Variants in DIAPH3 observed in about 807,000 individuals in gnomAD.
DIAPH3 encodes the protein protein diaphanous homolog 3.
A neutral mutation model predicts 144.3 loss-of-function variants in DIAPH3; 117 were observed. The observed-to-expected ratio is 0.81, with a 90% confidence interval of 0.70 to 0.95. DIAPH3 has a LOEUF of 0.95. DIAPH3 is among the 40% of genes least tolerant of loss of function. The probability of loss-of-function intolerance (pLI) is 0.00; values close to 1 mark genes in which losing one functional copy is unlikely to be tolerated. For missense variants in DIAPH3, 1,421 were observed against 1,412.7 expected (o/e 1.01, Z -0.09); for synonymous variants, 519 against 488.9 (o/e 1.06, Z -0.81).
chr13:59,707,106 A>G (rs948895995), intron 27 of DIAPH3, among the ~76,000 whole-genome samples: 2 of 152,208 alleles, frequency 1.3e-5, no homozygotes, highest in African/African-American at 2.4e-5. Flanking sequence ...AGTCATATTC[A>G]TTACACGAAA....
intron 1 of DIAPH3, among the ~76,000 whole-genome samples, chr13:60,153,856 T>A (rs1377780171): frequency 6.6e-6 from 1 of 152,144 alleles, no homozygotes; most frequent in Non-Finnish European, 1.5e-5. Flanking sequence ...ACAAGAATTT[T>A]TTTTCCTAAG....
intron 1 of DIAPH3, among the ~76,000 whole-genome samples, chr13:60,143,719 G>C (rs1242127107): frequency 1.3e-5 from 2 of 152,172 alleles, no homozygotes; most frequent in African/African-American, 4.8e-5. Context: ...CAGCAGCTCT[G>C]TTTTGCTGGG....
At chr13:59,826,719 G>T (rs755937388) in intron 24 of DIAPH3, among the ~76,000 whole-genome samples, 4 of 151,482 alleles carry the variant, frequency 2.6e-5, no homozygotes, top group Non-Finnish European at 5.9e-5. Flanking sequence ...AGCCCGCATC[G>T]CCAAGTCAAT....
chr13:59,685,730 T>C (rs2033181766), intron 27 of DIAPH3, among the ~76,000 whole-genome samples: 1 of 152,006 alleles, frequency 6.6e-6, no homozygotes, highest in East Asian at 1.9e-4. Context: ...GATGGAAAAG[T>C]GGTATCACTG....
chr13:60,048,382 T>C (rs1466475696), intron 4 of DIAPH3, among the ~76,000 whole-genome samples: 1 of 152,154 alleles, frequency 6.6e-6, no homozygotes, highest in African/African-American at 2.4e-5. Flanking sequence ...ATAAGACAAA[T>C]TAATAAACAG....
chr13:59,826,178 C>G (rs936785991), intron 24 of DIAPH3, among the ~76,000 whole-genome samples: 1 of 150,764 alleles, frequency 6.6e-6, no homozygotes, highest in Non-Finnish European at 1.5e-5. Flanking sequence ...AAGTTCTGGC[C>G]AGGGCAATTA....
intron 22 of DIAPH3, among the ~76,000 whole-genome samples, chr13:59,851,227 T>G (rs2042949633): frequency 6.6e-6 from 1 of 152,184 alleles, no homozygotes; most frequent in South Asian, 2.1e-4. Context: ...ACAGGATCTA[T>G]TACCTTTCTG....
chr13:60,115,824 C>T (rs1181802517), intron 2 of DIAPH3, among the ~76,000 whole-genome samples: 2 of 151,880 alleles, frequency 1.3e-5, no homozygotes, highest in African/African-American at 2.4e-5. Flanking sequence ...TATTGCAAAT[C>T]TACAAAAATC....
At chr13:60,011,815 A>G (rs1233910007) in intron 7 of DIAPH3, among the ~76,000 whole-genome samples, 2 of 152,356 alleles carry the variant, frequency 1.3e-5, no homozygotes, top group Admixed American at 1.3e-4. Flanking sequence ...ATGCAGTTGT[A>G]AACTCATTCT....
intron 12 of DIAPH3, 48 bp downstream of exon 12, chr13:59,991,110 T>A (rs375322803): frequency 8.3e-7 from 1 of 1,202,708 alleles, no homozygotes; most frequent in South Asian, 1.3e-5. Context: ...TCACAATTAA[T>A]AGATTTTTAT....
chr13:59,785,000 T>C (rs755583298), intron 25 of DIAPH3, among the ~76,000 whole-genome samples: 2 of 152,158 alleles, frequency 1.3e-5, no homozygotes, highest in African/African-American at 4.8e-5. Flanking sequence ...AAGCTCAAAA[T>C]GCTACTTAAA....
rs752479583 is a variant in DIAPH3 at position 59,666,534 on chromosome 13, A to G, written c.*50T>C. The G allele has an allele frequency of 6.2e-7, 1 of 1,609,488 alleles. No homozygotes were observed. Among genetic ancestry groups the G allele is most frequent in the South Asian group, 1.1e-5 (1 of 90,166 alleles). Reference sequence around the variant, plus strand: ...AATTTTTTCAAGTGTTATAGTTTAGAGCATGGCTTTATATTTGGCTTAATC... The same window carrying G: ...AATTTTTTCAAGTGTTATAGTTTAGGGCATGGCTTTATATTTGGCTTAATC... On this transcript the variant is annotated 3_prime_UTR_variant, in exon 28 of 28. Transcript: ENST00000400324.
At chr13:60,031,730 A>ATTTTTTT (rs1351705439) in intron 5 of DIAPH3, among the ~76,000 whole-genome samples, 1 of 65,876 alleles carries the variant, frequency 1.5e-5, no homozygotes, top group African/African-American at 6.4e-5. Flanking sequence ...CAGTCATTAA[A>ATTTTTTT]TCTTTTTTTT....
intron 27 of DIAPH3, among the ~76,000 whole-genome samples, chr13:59,706,479 T>C (rs1416095615): frequency 6.6e-6 from 1 of 152,162 alleles, no homozygotes; most frequent in East Asian, 1.9e-4. Flanking sequence ...ATATTAAGAA[T>C]ACAAATAAAA....
intron 20 of DIAPH3, among the ~76,000 whole-genome samples, chr13:59,906,583 C>T (rs559855387): frequency 9.9e-5 from 15 of 152,122 alleles, no homozygotes; most frequent in Non-Finnish European, 1.5e-4. Flanking sequence ...ATTAAAAAGG[C>T]CTCAGCTGCA....
intron 4 of DIAPH3, among the ~76,000 whole-genome samples, chr13:60,065,945 G>T (rs2056945646): frequency 6.6e-6 from 1 of 152,094 alleles, no homozygotes; most frequent in Non-Finnish European, 1.5e-5. Context: ...TATTCATGAT[G>T]ATCTGCAGAA....
At chr13:60,104,354 A>G (rs2058350702) in intron 3 of DIAPH3, among the ~76,000 whole-genome samples, 1 of 152,152 alleles carries the variant, frequency 6.6e-6, no homozygotes, top group African/African-American at 2.4e-5. Context: ...TCCAGTAGAC[A>G]CTGGATTACT....
At chr13:59,961,915 G>T (rs1375383575) in intron 17 of DIAPH3, among the ~76,000 whole-genome samples, 1 of 151,944 alleles carries the variant, frequency 6.6e-6, no homozygotes, top group African/African-American at 2.4e-5. Flanking sequence ...TCTAATTAAT[G>T]AGTTTCATAT....
chr13:59,970,758 C>T (rs2140570865), intron 16 of DIAPH3, 94 bp downstream of exon 16: 1 of 1,098,694 alleles, frequency 9.1e-7, no homozygotes, highest in South Asian at 1.9e-5. Context: ...ATTATGTAGG[C>T]ATAAATTAAA....
Sources: allele counts gnomAD v4.1 joint callset (sites outside exome capture counted in the v4.1 genomes callset), GRCh38; gene constraint gnomAD v4.1.1; transcripts MANE v1.5; gene names NCBI Gene and HGNC (gene_info 2026-07-23, HGNC 2026-07-21).